The following ROBO2 variants were observed in gnomAD, a reference collection of about 807,000 sequenced individuals.
The protein encoded by ROBO2 is roundabout homolog 2.
A neutral mutation model predicts 160.8 loss-of-function variants in ROBO2; 53 were observed. The observed-to-expected ratio is 0.33, with a 90% CI of 0.26 to 0.41. The LOEUF is 0.41. ROBO2 is among the 10% of genes least tolerant of loss of function. The pLI, the probability that ROBO2 is intolerant of heterozygous loss-of-function variation, is 1.00. For missense variants in ROBO2, 1,577 were observed against 1,722.4 expected (o/e 0.92, Z 1.49); for synonymous variants, 664 against 611.7 (o/e 1.09, Z -1.26).
chr3:76,963,781 T>G (rs1342051742), intron 2 of ROBO2, among the ~76,000 whole-genome samples: 1 of 146,008 alleles, frequency 6.8e-6, no homozygotes, highest in Non-Finnish European at 1.5e-5. Flanking sequence ...TAAAGGTATA[T>G]GTAGATTTTA....
At chr3:76,223,508 T>C (rs1236814309) in intron 2 of ROBO2, among the ~76,000 whole-genome samples, 3 of 152,068 alleles carry the variant, frequency 2.0e-5, no homozygotes, top group African/African-American at 7.2e-5. Context: ...CATCAGAATT[T>C]AGGTGCTCAA....
chr3:76,390,619 C>T (rs1461202460), intron 2 of ROBO2, among the ~76,000 whole-genome samples: 1 of 152,162 alleles, frequency 6.6e-6, no homozygotes, highest in Non-Finnish European at 1.5e-5. Flanking sequence ...CACTTAAATT[C>T]ATAATCCCAG....
chr3:77,397,720 TG>T (rs2153507232), intron 2 of ROBO2, among the ~76,000 whole-genome samples: 1 of 152,300 alleles, frequency 6.6e-6, no homozygotes, highest in African/African-American at 2.4e-5. Context: ...TGCAACAAAT[TG>T]GTGTATAAAT....
At chr3:76,419,694 A>G (rs190929699) in intron 2 of ROBO2, among the ~76,000 whole-genome samples, 1 of 152,272 alleles carries the variant, frequency 6.6e-6, no homozygotes, top group East Asian at 1.9e-4. Context: ...GGTAGGAAAC[A>G]TGATGTTCTT....
chr3:76,314,688 T>G (rs1200551519), intron 2 of ROBO2, among the ~76,000 whole-genome samples: 2 of 152,268 alleles, frequency 1.3e-5, no homozygotes, highest in East Asian at 3.9e-4. Flanking sequence ...ATTTTCTTAA[T>G]AACATTTTCT....
intron 2 of ROBO2, among the ~76,000 whole-genome samples, chr3:76,583,359 T>A (rs1457509999): frequency 6.6e-6 from 1 of 152,174 alleles, no homozygotes; most frequent in African/African-American, 2.4e-5. Flanking sequence ...GATGAAATTG[T>A]TCCCCATAGC....
chr3:76,462,939 G>A (rs527308999), intron 2 of ROBO2, among the ~76,000 whole-genome samples: 17 of 152,246 alleles, frequency 1.1e-4, no homozygotes, highest in Admixed American at 9.2e-4. Context: ...AAGTAAATTG[G>A]CTGATTCATG....
At chr3:77,326,050 G>T (rs1231682509) in intron 2 of ROBO2, among the ~76,000 whole-genome samples, 1 of 152,044 alleles carries the variant, frequency 6.6e-6, no homozygotes, top group Non-Finnish European at 1.5e-5. Flanking sequence ...TTTATTGAGG[G>T]AAAATAGCAA....
chr3:77,568,982 A>G (rs2093567464), intron 13 of ROBO2, among the ~76,000 whole-genome samples: 2 of 152,002 alleles, frequency 1.3e-5, no homozygotes, highest in African/African-American at 4.8e-5. Context: ...AGCGCGTATC[A>G]GGGCTTTGTT....
At chr3:76,509,900 C>A (rs891275471) in intron 2 of ROBO2, among the ~76,000 whole-genome samples, 1 of 151,812 alleles carries the variant, frequency 6.6e-6, no homozygotes, top group Non-Finnish European at 1.5e-5. Context: ...CTACACCTGA[C>A]CTCATGTGAT....
intron 2 of ROBO2, among the ~76,000 whole-genome samples, chr3:76,198,586 G>A (rs1702372422): frequency 6.6e-6 from 1 of 152,106 alleles, no homozygotes. Context: ...CCCTTACCAG[G>A]TCTTTTTCTG....
chr3:76,370,928 G>T (rs2076068695), intron 2 of ROBO2, among the ~76,000 whole-genome samples: 1 of 151,822 alleles, frequency 6.6e-6, no homozygotes, highest in Admixed American at 6.6e-5. Context: ...CTTTCTGCTA[G>T]GTTGAGTTTC....
chr3:76,494,943 G>A (rs898759386), intron 2 of ROBO2, among the ~76,000 whole-genome samples: 1 of 152,108 alleles, frequency 6.6e-6, no homozygotes, highest in Non-Finnish European at 1.5e-5. Context: ...TTCTTTTGGG[G>A]TGATGAAAAT....
At chr3:76,176,160 T>TA (rs2073223124) in intron 2 of ROBO2, among the ~76,000 whole-genome samples, 1 of 152,078 alleles carries the variant, frequency 6.6e-6, no homozygotes, top group Admixed American at 6.6e-5. Flanking sequence ...CCCAGATTAG[T>TA]AAAATCTGGA....
In ROBO2 at chr3:76,322,205, A is replaced by AT. The variant is rs1559761643; in HGVS notation, c.109+384604dup. ...ATATATATATATATATATATATATA[A>AT]TATACACACACATATATACACACAG... On this transcript the variant is annotated intron_variant, in intron 2 of 26. Transcript: ENST00000487694. Among the ~76,000 whole-genome samples the AT allele has an allele frequency of 1.5e-4, 15 of 97,576 alleles. No homozygotes were observed. In the South Asian group the frequency reaches 1.9e-3, roughly 12 times the overall value. The allele number at this position is 97,576 out of a possible 152,430, so 64.0% of individuals were successfully genotyped here.
At chr3:76,198,937 T>G (rs769599834) in intron 2 of ROBO2, among the ~76,000 whole-genome samples, 5 of 152,200 alleles carry the variant, frequency 3.3e-5, no homozygotes, top group Non-Finnish European at 5.9e-5. Context: ...TCCCTTAAAA[T>G]GTATGAAATT....
At chr3:76,399,051 T>C (rs533285998) in intron 2 of ROBO2, among the ~76,000 whole-genome samples, 70 of 151,926 alleles carry the variant, frequency 4.6e-4, no homozygotes, top group Admixed American at 1.6e-3. Flanking sequence ...TATAAGCATG[T>C]AGTATATACA....
intron 2 of ROBO2, among the ~76,000 whole-genome samples, chr3:77,011,656 C>T (rs1001102370): frequency 6.6e-6 from 1 of 152,092 alleles, no homozygotes; most frequent in South Asian, 2.1e-4. Context: ...AGATGAACAT[C>T]TCTCTACAGC....
chr3:77,085,021 C>T (rs1455958817), intron 1 of ROBO2, among the ~76,000 whole-genome samples: 1 of 151,938 alleles, frequency 6.6e-6, no homozygotes, highest in African/African-American at 2.4e-5. Context: ...TTAAATGGGT[C>T]ACTAAAAAGC....
Sources: gnomAD v4.1 joint callset for allele counts (sites outside exome capture counted in the v4.1 genomes callset) on GRCh38, gnomAD v4.1.1 for gene constraint, MANE v1.5 for transcripts, NCBI Gene and HGNC (gene_info 2026-07-23, HGNC 2026-07-21) for gene names.